Variants in CCDC169 observed in about 807,000 individuals in gnomAD.
CCDC169 encodes the protein coiled-coil domain containing 169, also known as coiled-coil domain-containing protein 169.
CCDC169 carries 30 observed loss-of-function variants against 36.0 expected under a neutral mutation model. The ratio of observed to expected loss-of-function variants is 0.83; its 90% CI spans 0.62 to 1.13. The LOEUF (loss-of-function observed/expected upper bound fraction) is 1.13, where lower values mean the gene tolerates loss of function less well. Ranked by LOEUF, CCDC169 falls within the 50% of genes most tolerant of loss-of-function variation. CCDC169 has a pLI of 0.00. For synonymous variants in CCDC169, 85 were observed against 81.5 expected (o/e 1.04, Z -0.23); for missense variants, 245 against 245.9 (o/e 1.00, Z 0.03).
chr13:36,258,665 A>C (rs1305866327), intron 4 of CCDC169, among the ~76,000 whole-genome samples: 1 of 152,078 alleles, frequency 6.6e-6, no homozygotes, highest in East Asian at 1.9e-4. Flanking sequence ...GGAGCTGCCC[A>C]CCCCTTTCAC....
intron 2 of CCDC169, among the ~76,000 whole-genome samples, chr13:36,291,824 T>G (rs1180045888): frequency 6.6e-6 from 1 of 152,172 alleles, no homozygotes; most frequent in East Asian, 1.9e-4. Flanking sequence ...TGGAATTTTA[T>G]TTTTAAAATT....
intron 7 of CCDC169, among the ~76,000 whole-genome samples, chr13:36,234,308 G>A (rs1423969264): frequency 6.6e-6 from 1 of 151,944 alleles, no homozygotes; most frequent in Non-Finnish European, 1.5e-5. Flanking sequence ...AGCCTATGGC[G>A]GCCCCCACTA....
intron 7 of CCDC169, among the ~76,000 whole-genome samples, chr13:36,233,397 A>T (rs1456505963): frequency 6.6e-6 from 1 of 152,212 alleles, no homozygotes; most frequent in Non-Finnish European, 1.5e-5. Flanking sequence ...TTTCAAAACA[A>T]AATTACAATA....
chr13:36,289,782 A>G (rs77965884), intron 2 of CCDC169, among the ~76,000 whole-genome samples: 2 of 152,222 alleles, frequency 1.3e-5, no homozygotes, highest in African/African-American at 2.4e-5. Flanking sequence ...AAGTCTTTCA[A>G]TAATCATTTT....
At chr13:36,260,247 A>G (rs1874453201) in intron 4 of CCDC169, among the ~76,000 whole-genome samples, 2 of 152,178 alleles carry the variant, frequency 1.3e-5, no homozygotes, top group Admixed American at 6.5e-5. Context: ...CAATTATTAT[A>G]TGTGTGTTCA....
At chr13:36,250,034 G>A (rs1287405349) in intron 6 of CCDC169, among the ~76,000 whole-genome samples, 1 of 152,098 alleles carries the variant, frequency 6.6e-6, no homozygotes, top group African/African-American at 2.4e-5. Flanking sequence ...AAAGACAAAC[G>A]GGTTATGGTT....
At chr13:36,294,123 G>T (rs1204862158) in intron 2 of CCDC169, among the ~76,000 whole-genome samples, 2 of 152,116 alleles carry the variant, frequency 1.3e-5, no homozygotes, top group African/African-American at 4.8e-5. Context: ...AAATGTTTCT[G>T]CCCTTCACCT....
chr13:36,288,315 G>A lies in CCDC169; in HGVS notation c.164-4613C>T, dbSNP rs116477206. ...AGGCGTGAGCCACCGTGCCCGACCCGGAAATAACTTTAAATAATGATTAGT... is the reference window on the plus strand; with the variant it reads ...AGGCGTGAGCCACCGTGCCCGACCCAGAAATAACTTTAAATAATGATTAGT... On this transcript the variant is annotated intron_variant, in intron 2 of 7. Transcript: ENST00000239859. Among the ~76,000 whole-genome samples the A allele has an allele frequency of 4.1e-3, 624 of 152,090 alleles. 6 individuals carry two copies. The highest frequency in any genetic ancestry group is 0.014 in the African/African-American group (560 of 41,478).
chr13:36,225,156 A>G (rs1449267609), downstream of CCDC169: 1 of 151,906 alleles, frequency 6.6e-6, no homozygotes, highest in African/African-American at 2.4e-5. Context: ...TGAATTAAAG[A>G]TTTAAATGTA....
At chr13:36,241,552 AT>A (rs34427641) in intron 7 of CCDC169, among the ~76,000 whole-genome samples, 27,666 of 152,042 alleles carry the variant, frequency 0.18, 2,635 homozygotes, top group African/African-American at 0.23. Context: ...ATTATCCATA[AT>A]GTTGTATGAG....
intron 4 of CCDC169, among the ~76,000 whole-genome samples, chr13:36,254,710 C>T (rs1168120184): frequency 6.6e-6 from 1 of 151,968 alleles, no homozygotes; most frequent in Non-Finnish European, 1.5e-5. Context: ...TCGTACAAAC[C>T]TAACACTCTC....
intron 7 of CCDC169, among the ~76,000 whole-genome samples, chr13:36,237,387 T>G (rs1055617674): frequency 5.3e-5 from 8 of 152,086 alleles, no homozygotes; most frequent in African/African-American, 1.7e-4. Context: ...AGCTTGGCAG[T>G]TCCTCAAAAA....
downstream of CCDC169, chr13:36,222,811 G>C (rs542847056): frequency 7.1e-6 from 1 of 141,754 alleles, no homozygotes; most frequent in African/African-American, 2.5e-5. Flanking sequence ...AACAGACTGA[G>C]AAATGAAAAA....
At chr13:36,291,529 A>G (rs896442712) in intron 2 of CCDC169, among the ~76,000 whole-genome samples, 2 of 152,108 alleles carry the variant, frequency 1.3e-5, no homozygotes, top group African/African-American at 4.8e-5. Flanking sequence ...GTTTTTTTAA[A>G]TAAATATTTA....
At position 36,295,763 on chromosome 13, in the gene CCDC169, T is replaced by A; in HGVS notation, c.163+15A>T. On this transcript the variant is annotated intron_variant, in intron 2 of 7. Transcript: ENST00000239859. ...ATTATACAGGAGTCACAAATATAAG[T>A]ATTTACTTATATACCTTCATTGTCA... 1 of 1,362,586 alleles carries A rather than the reference T, an allele frequency of 7.3e-7. No individual in the cohort carries two copies. The highest frequency in any genetic ancestry group is 2.5e-5 in the East Asian group (1 of 39,502). 84.4% of individuals were successfully genotyped at this position (1,362,586 alleles called of 1,614,324 possible). A position where few individuals can be genotyped will look rare whatever the true frequency, so the allele number is the denominator to read the frequency against.
chr13:36,279,992 C>T (rs1020595271), intron 4 of CCDC169: 9 of 151,862 alleles, frequency 5.9e-5, no homozygotes, highest in African/African-American at 1.7e-4. Context: ...GGCTAATTTA[C>T]GTAATTCATG....
downstream of CCDC169, among the ~76,000 whole-genome samples, chr13:36,228,852 T>A (rs1021240109): frequency 6.6e-6 from 1 of 152,194 alleles, no homozygotes; most frequent in African/African-American, 2.4e-5. Flanking sequence ...AGCCAGTAAT[T>A]GCATTTTCTT....
intron 4 of CCDC169, among the ~76,000 whole-genome samples, chr13:36,264,452 G>C (rs1875013152): frequency 1.3e-5 from 2 of 152,078 alleles, no homozygotes; most frequent in South Asian, 4.1e-4. Context: ...AGGATACCTA[G>C]GGAAGGACCT....
intron 4 of CCDC169, among the ~76,000 whole-genome samples, chr13:36,264,391 A>T (rs899929066): frequency 3.3e-5 from 5 of 152,122 alleles, no homozygotes; most frequent in Admixed American, 2.6e-4. Flanking sequence ...TTATTTAATG[A>T]GAGTGATACA....
Sources: gnomAD v4.1 joint callset for allele counts (sites outside exome capture counted in the v4.1 genomes callset) on GRCh38, gnomAD v4.1.1 for gene constraint, MANE v1.5 for transcripts, NCBI Gene and HGNC (gene_info 2026-07-23, HGNC 2026-07-21) for gene names.